The following PARG variants were observed in gnomAD, a reference collection of about 807,000 sequenced individuals.
The protein encoded by PARG is poly(ADP-ribose) glycohydrolase.
PARG carries 35 observed loss-of-function variants against 113.0 expected under a neutral mutation model. The ratio of observed to expected loss-of-function variants is 0.31; its 90% CI spans 0.24 to 0.41. PARG has a LOEUF of 0.41. PARG is among the 10% of genes least tolerant of loss of function. The pLI is 1.00. For synonymous variants in PARG, 330 were observed against 409.9 expected (o/e 0.81, Z 2.36); for missense variants, 797 against 1,169.4 (o/e 0.68, Z 4.64).
intron 15 of PARG, among the ~76,000 whole-genome samples, chr10:49,836,569 A>C (rs1303705390): frequency 6.6e-6 from 1 of 152,112 alleles, no homozygotes; most frequent in African/African-American, 2.4e-5. Context: ...TTATGTATTT[A>C]ATTGTTATTC....
intron 9 of PARG, among the ~76,000 whole-genome samples, chr10:49,873,460 A>C (rs192480557): frequency 6.6e-6 from 1 of 151,560 alleles, no homozygotes; most frequent in African/African-American, 2.4e-5. Context: ...CATTTTGCTC[A>C]TGACAGGCTT....
chr10:49,911,566 A>G (rs1160289563), intron 7 of PARG, among the ~76,000 whole-genome samples: 1 of 152,274 alleles, frequency 6.6e-6, no homozygotes, highest in Non-Finnish European at 1.5e-5. Context: ...ACTAAATAAC[A>G]GCCATTTCGA....
rs1196090081 is a variant in PARG at position 49,932,827 on chromosome 10, T to TA, written c.1271+349dup. ...GCCTGTCACGGCATTAAACAAAGTGTAAAAAAAAAAAAAAAAGTGTAATAT... is the reference window on the plus strand; with the variant it reads ...GCCTGTCACGGCATTAAACAAAGTGTAAAAAAAAAAAAAAAAAGTGTAATAT... On this transcript the variant is annotated intron_variant, in intron 3 of 17. Coordinates refer to ENST00000616448, the MANE Select transcript of PARG (RefSeq NM_003631.5). Among the ~76,000 whole-genome samples, 630 of 127,140 alleles carry TA rather than the reference T, an allele frequency of 5.0e-3. 6 individuals are homozygous for TA. Among genetic ancestry groups the TA allele is most frequent in the African/African-American group, 8.2e-3 (285 of 34,812 alleles). 83.4% of individuals were successfully genotyped at this position (127,140 alleles called of 152,430 possible). A position where few individuals can be genotyped will look rare whatever the true frequency, so the allele number is the denominator to read the frequency against.
intron 13 of PARG, among the ~76,000 whole-genome samples, chr10:49,845,054 A>C (rs1845440933): frequency 6.6e-6 from 1 of 152,202 alleles, no homozygotes; most frequent in Non-Finnish European, 1.5e-5. Context: ...CACAGTGAGA[A>C]ACCACCATAC....
intron 1 of PARG, among the ~76,000 whole-genome samples, chr10:49,935,957 A>C (rs1466672846): frequency 6.6e-6 from 1 of 152,126 alleles, no homozygotes; most frequent in Non-Finnish European, 1.5e-5. Flanking sequence ...AGCCTGGAGG[A>C]TAAATCTGAG....
At chr10:49,927,903 C>G (rs1554851075) in intron 4 of PARG, among the ~76,000 whole-genome samples, 1 of 151,268 alleles carries the variant, frequency 6.6e-6, no homozygotes, top group Non-Finnish European at 1.5e-5. Context: ...CTGCAGTGAG[C>G]CAAGATCACA....
chr10:49,833,486 AACCT>A (rs1844770435), intron 15 of PARG, among the ~76,000 whole-genome samples: 2 of 152,342 alleles, frequency 1.3e-5, no homozygotes, highest in South Asian at 4.1e-4. Context: ...GTTATGAAAT[AACCT>A]TTAAGATGCC....
At chr10:49,939,386 A>G (rs1263823861) in intron 1 of PARG, among the ~76,000 whole-genome samples, 2 of 152,222 alleles carry the variant, frequency 1.3e-5, no homozygotes, top group African/African-American at 4.8e-5. Flanking sequence ...CACAGACAAT[A>G]TAAGAATGCA....
intron 4 of PARG, among the ~76,000 whole-genome samples, chr10:49,926,643 T>G (rs79469960): frequency 1.6e-4 from 24 of 151,878 alleles, no homozygotes; most frequent in Non-Finnish European, 2.9e-4. Flanking sequence ...CATTCCTTTC[T>G]GCTGATCCCA....
At chr10:49,864,289 T>C (rs1846390637) in intron 11 of PARG, among the ~76,000 whole-genome samples, 1 of 151,882 alleles carries the variant, frequency 6.6e-6, no homozygotes, top group East Asian at 1.9e-4. Flanking sequence ...TTCAGGTCGC[T>C]TAACCTTTTA....
intron 7 of PARG, 72 bp downstream of exon 7, chr10:49,915,845 A>G (rs1221658138): frequency 3.1e-5 from 24 of 768,888 alleles, no homozygotes; most frequent in Non-Finnish European, 5.2e-5. Context: ...TGGCAGAATT[A>G]TGGGTATTCT....
rs138421937 is a variant in PARG at position 49,819,208 on chromosome 10, T to C, written c.*132A>G. 43 of 700,660 alleles carry C rather than the reference T, an allele frequency of 6.1e-5. No homozygotes were observed. Among genetic ancestry groups the C allele is most frequent in the African/African-American group, 5.4e-4 (30 of 55,436 alleles). The allele number at this position is 700,660 out of a possible 1,614,324, so 43.4% of individuals were successfully genotyped here. ...GACAACTGCACATGTGTGGAAGAGA[T>C]TGCGTCCTTGACTACAAATGTGGAT... is the stretch of plus-strand genomic sequence containing the variant. On this transcript the variant is annotated 3_prime_UTR_variant, in exon 18 of 18. Transcript: ENST00000616448.
At chr10:49,941,145 A>C (rs1839032372) in intron 1 of PARG, among the ~76,000 whole-genome samples, 1 of 152,218 alleles carries the variant, frequency 6.6e-6, no homozygotes, top group Admixed American at 6.5e-5. Flanking sequence ...CAGAATCTGA[A>C]CAAGTGAAGT....
At chr10:49,918,490 A>G (rs1837625368) in intron 6 of PARG, among the ~76,000 whole-genome samples, 1 of 152,258 alleles carries the variant, frequency 6.6e-6, no homozygotes, top group Non-Finnish European at 1.5e-5. Context: ...TGAGTTATCA[A>G]CGACTGAATA....
chr10:49,818,746 A>G lies in PARG; in HGVS notation c.*594T>C, dbSNP rs1843917020. 1 of 152,248 alleles carries G rather than the reference A, an allele frequency of 6.6e-6. No homozygotes were observed. The highest frequency in any genetic ancestry group is 2.4e-5 in the African/African-American group (1 of 41,470). 9.4% of individuals were successfully genotyped at this position (152,248 alleles called of 1,614,324 possible). ...CAGATAAAAATGATACCTCAAAAGT[A>G]CAATTTCTGGAAATTATTCTATCTT... On this transcript the variant is annotated 3_prime_UTR_variant, in exon 18 of 18. Coordinates refer to ENST00000616448, the MANE Select transcript of PARG (RefSeq NM_003631.5).
At chr10:49,845,805 G>C (rs191887198) in intron 13 of PARG, among the ~76,000 whole-genome samples, 4 of 150,908 alleles carry the variant, frequency 2.7e-5, no homozygotes, top group Non-Finnish European at 4.4e-5. Flanking sequence ...GCAGAGGCAG[G>C]GGCATCACTT....
rs1224996898 is a variant in PARG, at chr10:49,922,625, T to C, written c.1500A>G (p.Thr500=). Residue 500 remains threonine, a synonymous_variant, in exon 5 of 18, where the codon ACA becomes ACG. Transcript: ENST00000616448. ...TGTTATCCCACAAATCTTTATAATG[T>C]GTTGGAAAAGGTTTAGGAACTTCTC... is the stretch of plus-strand genomic sequence containing the variant. ...RAGEVPKPFP[T]HYKDLWDNKH... 65 of 1,595,626 alleles carry C rather than the reference T, an allele frequency of 4.1e-5. No homozygotes were observed. The highest frequency in any genetic ancestry group is 5.6e-5 in the Non-Finnish European group (65 of 1,170,746).
intron 15 of PARG, among the ~76,000 whole-genome samples, chr10:49,841,692 T>C (rs1264925335): frequency 6.6e-6 from 1 of 152,200 alleles, no homozygotes; most frequent in Non-Finnish European, 1.5e-5. Flanking sequence ...CCATAGCAGC[T>C]AAGGTACTTG....
At chr10:49,847,620 GGT>G (rs1165509249) in intron 13 of PARG, among the ~76,000 whole-genome samples, 1 of 151,230 alleles carries the variant, frequency 6.6e-6, no homozygotes, top group Non-Finnish European at 1.5e-5. Flanking sequence ...AGAATACCAA[GGT>G]GTGAGCCTGG....
Sources: allele counts gnomAD v4.1 joint callset (sites outside exome capture counted in the v4.1 genomes callset), GRCh38; gene constraint gnomAD v4.1.1; transcripts MANE v1.5; gene names NCBI Gene and HGNC (gene_info 2026-07-23, HGNC 2026-07-21).